The following PCDH11X variants were observed in gnomAD, a reference collection of about 807,000 sequenced individuals.
PCDH11X encodes the protein protocadherin-11 X-linked.
A neutral mutation model predicts 53.3 loss-of-function variants in PCDH11X; 18 were observed. That is an observed-to-expected ratio of 0.34 (90% CI 0.23 to 0.50). The LOEUF (loss-of-function observed/expected upper bound fraction) is 0.50. Ranked by LOEUF, PCDH11X falls within the 20% of genes least tolerant of loss-of-function variation. PCDH11X has a pLI of 0.98. For synonymous variants in PCDH11X, 279 were observed against 393.3 expected (o/e 0.71, Z 3.44); for missense variants, 570 against 1,032.4 (o/e 0.55, Z 6.14).
chrX:91,904,992 G>T (rs1941098034), intron 6 of PCDH11X, among the ~76,000 whole-genome samples: 1 of 108,920 alleles, frequency 9.2e-6, no homozygotes, highest in Non-Finnish European at 1.9e-5. Context: ...ATATTAAAAA[G>T]AAAAATATAG....
At chrX:92,139,310 T>A (rs1330423146) in intron 6 of PCDH11X, among the ~76,000 whole-genome samples, 2 of 98,673 alleles carry the variant, frequency 2.0e-5, no homozygotes, top group East Asian at 6.3e-4. Flanking sequence ...AGTCTTGCTC[T>A]TGTCGCCCAG....
intron 10 of PCDH11X, among the ~76,000 whole-genome samples, chrX:92,604,616 T>C (rs1242109324): frequency 9.0e-6 from 1 of 111,713 alleles, no homozygotes; most frequent in Non-Finnish European, 1.9e-5. Context: ...ATGATATTAA[T>C]AACAAAGTAA....
At chrX:92,209,854 C>T (rs191963873) in intron 7 of PCDH11X, among the ~76,000 whole-genome samples, 31 of 112,498 alleles carry the variant, frequency 2.8e-4, no homozygotes, top group African/African-American at 9.7e-4. Flanking sequence ...TAGGCGGAGG[C>T]TCCCAAGCCT....
Position 92,118,731 on chromosome X carries a change from C to CTTTT in PCDH11X, c.3034-82619_3034-82616dup, listed in dbSNP as rs199880924. Among the ~76,000 whole-genome samples, 28 of 45,635 alleles carry CTTTT rather than the reference C, an allele frequency of 6.1e-4. 6 individuals carry two copies. The highest frequency in any genetic ancestry group is 2.1e-3 in the East Asian group (4 of 1,866). The allele number at this position is 45,635 out of a possible 115,157, so 39.6% of individuals were successfully genotyped here. A position where few individuals can be genotyped will look rare whatever the true frequency, so the allele number is the denominator to read the frequency against. On this transcript the variant is annotated intron_variant, in intron 6 of 10. Coordinates refer to ENST00000682573, the MANE Select transcript of PCDH11X (RefSeq NM_032968.5). ...ATTATTGGTTTGGTTATAATGCAGT[C>CTTTT]TTTTTTTTTTTTTTTTTTTTTTTTT...
chrX:92,100,810 C>G (rs987154771), intron 6 of PCDH11X, among the ~76,000 whole-genome samples: 14 of 110,431 alleles, frequency 1.3e-4, no homozygotes, highest in African/African-American at 4.6e-4. Context: ...CTGCTTCAAG[C>G]GGGATCAGGG....
intron 6 of PCDH11X, among the ~76,000 whole-genome samples, chrX:92,029,579 C>T (rs1310504924): frequency 9.0e-6 from 1 of 110,954 alleles, no homozygotes; most frequent in African/African-American, 3.3e-5. Flanking sequence ...GAAAGACTAC[C>T]ACACACACTT....
intron 10 of PCDH11X, among the ~76,000 whole-genome samples, chrX:92,479,335 T>C (rs2073454211): frequency 9.1e-6 from 1 of 110,294 alleles, no homozygotes; most frequent in Non-Finnish European, 1.9e-5. Flanking sequence ...TGCCTTTTAA[T>C]TGAGAGCATT....
chrX:91,890,457 G>T (rs1212584816), intron 6 of PCDH11X, among the ~76,000 whole-genome samples: 2 of 108,957 alleles, frequency 1.8e-5, no homozygotes, highest in East Asian at 2.9e-4. Context: ...AAAATTATTT[G>T]TCTGTTTCCC....
intron 8 of PCDH11X, among the ~76,000 whole-genome samples, chrX:92,379,744 C>G (rs1296875376): frequency 1.8e-5 from 2 of 110,348 alleles, no homozygotes. Flanking sequence ...GTCTCAAGCC[C>G]ATAAAAACTC....
intron 9 of PCDH11X, among the ~76,000 whole-genome samples, chrX:92,414,656 C>T (rs2071768826): frequency 9.1e-6 from 1 of 109,687 alleles, no homozygotes; most frequent in Non-Finnish European, 1.9e-5. Flanking sequence ...TTGACACATA[C>T]ACTTTCATTG....
intron 10 of PCDH11X, among the ~76,000 whole-genome samples, chrX:92,528,094 A>G (rs1020229301): frequency 1.8e-5 from 2 of 111,807 alleles, no homozygotes; most frequent in Admixed American, 1.9e-4. Flanking sequence ...TGGGGGATTA[A>G]TAGTGAAAAC....
At chrX:92,338,454 C>T (rs1348694080) in intron 8 of PCDH11X, among the ~76,000 whole-genome samples, 1 of 110,558 alleles carries the variant, frequency 9.0e-6, no homozygotes, top group East Asian at 2.8e-4. Context: ...AGCACATAAT[C>T]CAATTCATGA....
At chrX:92,115,084 C>T (rs1602966041) in intron 6 of PCDH11X, among the ~76,000 whole-genome samples, 1 of 110,537 alleles carries the variant, frequency 9.0e-6, no homozygotes, top group East Asian at 2.9e-4. Flanking sequence ...GTTGGGATTA[C>T]AGGCATGAGA....
At chrX:92,171,979 T>C (rs776658937) in intron 6 of PCDH11X, among the ~76,000 whole-genome samples, 9 of 109,869 alleles carry the variant, frequency 8.2e-5, no homozygotes, top group South Asian at 3.9e-4. Flanking sequence ...TTATATGCTA[T>C]TGTAAGTAGA....
At chrX:92,336,292 G>T (rs2069617064) in intron 8 of PCDH11X, among the ~76,000 whole-genome samples, 1 of 111,379 alleles carries the variant, frequency 9.0e-6, no homozygotes, top group Non-Finnish European at 1.9e-5. Flanking sequence ...GAAATAAGGT[G>T]ACTTCAAGGT....
intron 6 of PCDH11X, among the ~76,000 whole-genome samples, chrX:92,011,380 C>T (rs936393538): frequency 6.2e-5 from 7 of 112,122 alleles, no homozygotes; most frequent in South Asian, 3.7e-4. Context: ...ACCTCACCAA[C>T]GTGATATTTT....
At chrX:91,876,521 A>C (rs1314409090) in intron 5 of PCDH11X, 1 of 244,307 alleles carries the variant, frequency 4.1e-6, no homozygotes, top group Non-Finnish European at 5.7e-6. Context: ...CAGTTCTCTA[A>C]TTTTACAAAT....
At chrX:92,355,417 C>CAAAAAAAAAA (rs57339128) in intron 8 of PCDH11X, among the ~76,000 whole-genome samples, 1 of 23,587 alleles carries the variant, frequency 4.2e-5, no homozygotes, top group African/African-American at 2.8e-4. Context: ...GACTCCGTCT[C>CAAAAAAAAAA]AAAAAAAAAA....
At chrX:92,218,108 T>C (rs776501308) in intron 7 of PCDH11X, among the ~76,000 whole-genome samples, 157 of 110,824 alleles carry the variant, frequency 1.4e-3, no homozygotes, top group Admixed American at 3.9e-3. Flanking sequence ...AGATCCAAAA[T>C]TGACACCCTA....
Sources: allele counts gnomAD v4.1 joint callset (sites outside exome capture counted in the v4.1 genomes callset), GRCh38; gene constraint gnomAD v4.1.1; transcripts MANE v1.5; gene names NCBI Gene and HGNC (gene_info 2026-07-23, HGNC 2026-07-21).